Variants in EYA1 observed in about 807,000 individuals in gnomAD.
EYA1 encodes protein phosphatase EYA1.
In EYA1, 16 loss-of-function variants were observed where a neutral mutation model predicts 82.0. That is an observed-to-expected ratio of 0.20 (90% CI 0.13 to 0.30). EYA1 has a LOEUF of 0.30. EYA1 is among the 10% of genes least tolerant of loss of function. EYA1 has a pLI of 1.00. For missense variants in EYA1, 633 were observed against 730.7 expected (o/e 0.87, Z 1.54); for synonymous variants, 261 against 264.4 (o/e 0.99, Z 0.12).
At chr8:71,530,102 A>G (rs1032708223) in intron 2 of EYA1, among the ~76,000 whole-genome samples, 1 of 152,202 alleles carries the variant, frequency 6.6e-6, no homozygotes, top group Non-Finnish European at 1.5e-5. Context: ...GGTCTTTACA[A>G]GAAGTAATCA....
At chr8:71,375,298 C>T (rs1412446264) in intron 2 of EYA1, among the ~76,000 whole-genome samples, 1 of 148,076 alleles carries the variant, frequency 6.8e-6, no homozygotes, top group Non-Finnish European at 1.5e-5. Flanking sequence ...GGAATACTAC[C>T]TCATGCTAGA....
At chr8:71,399,089 C>A (rs1180551466) in intron 2 of EYA1, among the ~76,000 whole-genome samples, 1 of 152,338 alleles carries the variant, frequency 6.6e-6, no homozygotes, top group East Asian at 1.9e-4. Context: ...TGGGACCCTC[C>A]AAGCCATGTG....
intron 9 of EYA1, among the ~76,000 whole-genome samples, chr8:71,295,793 C>T (rs1036614999): frequency 1.3e-5 from 2 of 152,120 alleles, no homozygotes; most frequent in Admixed American, 1.3e-4. Context: ...TCATTCATAA[C>T]TGCCAGAAAC....
At chr8:71,281,937 C>T (rs1397367187) in intron 9 of EYA1, among the ~76,000 whole-genome samples, 1 of 152,206 alleles carries the variant, frequency 6.6e-6, no homozygotes, top group Non-Finnish European at 1.5e-5. Context: ...GGATGATGGT[C>T]CATGACCTTG....
intron 7 of EYA1, among the ~76,000 whole-genome samples, chr8:71,314,201 C>T (rs1288373945): frequency 6.6e-6 from 1 of 151,980 alleles, no homozygotes; most frequent in Admixed American, 6.6e-5. Flanking sequence ...GTAGAAATTG[C>T]TATATTAAAA....
intron 2 of EYA1, among the ~76,000 whole-genome samples, chr8:71,472,800 T>G (rs1177539326): frequency 4.7e-5 from 7 of 147,732 alleles, no homozygotes; most frequent in Non-Finnish European, 1.0e-4. Context: ...TATATATATA[T>G]ATATATATAT....
At chr8:71,420,420 T>G (rs538151887) in intron 2 of EYA1, among the ~76,000 whole-genome samples, 48 of 152,290 alleles carry the variant, frequency 3.2e-4, no homozygotes, top group South Asian at 1.9e-3. Context: ...AATTTCACAA[T>G]TCTTTTAAAA....
chr8:71,455,478 C>A (rs1369980766), intron 2 of EYA1, among the ~76,000 whole-genome samples: 2 of 152,016 alleles, frequency 1.3e-5, no homozygotes, highest in Non-Finnish European at 2.9e-5. Context: ...TAGACCAATA[C>A]CCCTGATGAA....
intron 7 of EYA1, among the ~76,000 whole-genome samples, chr8:71,301,621 TCA>T (rs1820204930): frequency 6.6e-6 from 1 of 152,198 alleles, no homozygotes; most frequent in Non-Finnish European, 1.5e-5. Context: ...AATTTAGTTA[TCA>T]CAGAGACTCT....
intron 2 of EYA1, among the ~76,000 whole-genome samples, chr8:71,405,884 C>G (rs940466518): frequency 3.3e-5 from 5 of 152,196 alleles, no homozygotes; most frequent in African/African-American, 1.2e-4. Context: ...TCTTCCTTTT[C>G]TCAATTGCAT....
At chr8:71,286,882 A>C (rs1469599229) in intron 9 of EYA1, among the ~76,000 whole-genome samples, 1 of 148,072 alleles carries the variant, frequency 6.8e-6, no homozygotes, top group African/African-American at 2.5e-5. Context: ...AGTTCACTGC[A>C]ACCTCTGCCT....
At chr8:71,456,332 C>CG (rs1466860918) in intron 2 of EYA1, among the ~76,000 whole-genome samples, 1 of 152,164 alleles carries the variant, frequency 6.6e-6, no homozygotes, top group Admixed American at 6.5e-5. Context: ...GCCATACTGC[C>CG]AAGGTAATTT....
rs574427636 is a variant in EYA1, at chr8:71,369,890, AATTTT to A, written c.34-13384_34-13380del. ...AGGGCATTATCATTATAGGAACATT[AATTTT>A]ATTTTATGTACAAAAATATTTAAAA... is the stretch of plus-strand genomic sequence containing the variant. On this transcript the variant is annotated intron_variant, in intron 2 of 18. Transcript: ENST00000643681. Among the ~76,000 whole-genome samples the A allele has an allele frequency of 3.5e-3, 526 of 152,262 alleles. 4 individuals carry two copies. The highest frequency in any genetic ancestry group is 5.9e-3 in the Non-Finnish European group (402 of 68,014).
intron 2 of EYA1, among the ~76,000 whole-genome samples, chr8:71,492,991 A>G (rs1192041241): frequency 6.6e-6 from 1 of 152,058 alleles, no homozygotes; most frequent in Non-Finnish European, 1.5e-5. Context: ...TTTAGCTCCC[A>G]CTTAAAAGTG....
In EYA1 at chr8:71,514,771, C is replaced by T. The variant is rs374395448; in HGVS notation, c.33+20973G>A. Among the ~76,000 whole-genome samples, 26 of 152,236 alleles carry T rather than the reference C, an allele frequency of 1.7e-4. No homozygotes were observed. The South Asian group carries it at 4.6e-3, about 27-fold the overall frequency. The stretch of plus-strand genomic sequence containing the variant: ...ATTCTGAGAGATACAATTCAAGTTG[C>T]GATTTGGGTGGGTACACGGCCAAAC... On this transcript the variant is annotated intron_variant, in intron 2 of 18. Transcript: ENST00000643681.
At chr8:71,389,129 G>A (rs2129107666) in intron 2 of EYA1, among the ~76,000 whole-genome samples, 1 of 151,812 alleles carries the variant, frequency 6.6e-6, no homozygotes, top group Non-Finnish European at 1.5e-5. Flanking sequence ...GAAACAACAA[G>A]GTTTCTGCCA....
chr8:71,408,183 G>T (rs1244121709), intron 2 of EYA1, among the ~76,000 whole-genome samples: 1 of 151,942 alleles, frequency 6.6e-6, no homozygotes, highest in Non-Finnish European at 1.5e-5. Context: ...GAGAGATTTT[G>T]TCACCACTAG....
intron 9 of EYA1, among the ~76,000 whole-genome samples, chr8:71,273,336 T>A (rs191895662): frequency 5.5e-4 from 84 of 152,336 alleles, no homozygotes; most frequent in African/African-American, 1.9e-3. Context: ...ATGGGTTAGT[T>A]TATTTGGGAT....
In EYA1 at chr8:71,535,763, C is replaced by CG. The variant is rs1260263120; in HGVS notation, c.13dup (p.Arg5ProfsTer36). The stretch of plus-strand genomic sequence containing the variant: ...ACTTACAGACTGTCCATTTATCCCC[C>CG]GGGGGTCTTCCATTGAAGACTTCTT... On this transcript the variant is annotated frameshift_variant, in exon 2 of 19. Coordinates refer to the EYA1 transcript ENST00000643681. LOFTEE classifies it high-confidence loss of function. 28 of 1,520,364 alleles carry CG rather than the reference C, an allele frequency of 1.8e-5. No individual in the cohort carries two copies. The highest frequency in any genetic ancestry group is 2.4e-5 in the Non-Finnish European group (27 of 1,139,416). The allele number at this position is 1,520,364 out of a possible 1,614,324, so 94.2% of individuals were successfully genotyped here. A position where few individuals can be genotyped will look rare whatever the true frequency, so the allele number is the denominator to read the frequency against.
Sources: allele counts gnomAD v4.1 joint callset (sites outside exome capture counted in the v4.1 genomes callset), GRCh38; gene constraint gnomAD v4.1.1; transcripts MANE v1.5; gene names NCBI Gene and HGNC (gene_info 2026-07-23, HGNC 2026-07-21).